DCLK1: variants seen among roughly 807,000 people sequenced by gnomAD.
DCLK1 encodes the protein doublecortin like kinase 1.
Under a neutral mutation model 86.2 loss-of-function variants are expected in DCLK1, and 16 were observed. The ratio of observed to expected loss-of-function variants is 0.19; its 90% CI spans 0.13 to 0.28. The LOEUF is 0.28. Among genes scored for constraint, DCLK1 ranks in the 10% least tolerant of loss-of-function variants. The pLI is 1.00. For missense variants in DCLK1, 590 were observed against 940.2 expected, an observed-to-expected ratio of 0.63 and a Z score of 4.87; for synonymous variants, 369 against 370.5, an observed-to-expected ratio of 1.00 and a Z score of 0.05.
chr13:35,921,156 T>G (rs1166491033), intron 4 of DCLK1, among the ~76,000 whole-genome samples: 1 of 152,186 alleles, frequency 6.6e-6, no homozygotes, highest in African/African-American at 2.4e-5. Flanking sequence ...GACCACATCC[T>G]ATTATTCCCA....
intron 3 of DCLK1, among the ~76,000 whole-genome samples, chr13:36,035,463 AAGT>A (rs1163857216): frequency 6.6e-5 from 10 of 152,162 alleles, no homozygotes; most frequent in Admixed American, 3.9e-4. Context: ...TATTGCTATT[AAGT>A]AGTATTGGGG....
At chr13:35,866,616 A>T (rs886280289) in intron 5 of DCLK1, among the ~76,000 whole-genome samples, 20 of 135,274 alleles carry the variant, frequency 1.5e-4, no homozygotes, top group Non-Finnish European at 2.2e-4. Flanking sequence ...TAATTTTTGT[A>T]TTTTTTTTTT....
intron 4 of DCLK1, among the ~76,000 whole-genome samples, chr13:35,873,317 T>G (rs1169511443): frequency 6.6e-6 from 1 of 152,104 alleles, no homozygotes; most frequent in African/African-American, 2.4e-5. Context: ...CAAAGTGGAT[T>G]TGGTGAGTTC....
chr13:35,835,963 A>T (rs1444939712), intron 8 of DCLK1, 70 bp downstream of exon 8: 3 of 1,131,200 alleles, frequency 2.7e-6, no homozygotes, highest in East Asian at 4.8e-5. Flanking sequence ...CTGGAAATAG[A>T]GACACAATCT....
chr13:35,792,945 T>C (rs2182486), intron 16 of DCLK1, among the ~76,000 whole-genome samples: 35,652 of 152,116 alleles, frequency 0.23, 5,640 homozygotes, highest in Non-Finnish European at 0.35. Flanking sequence ...AATTTAGGTC[T>C]AGTATCAAGA....
At chr13:35,907,952 A>G (rs1169133428) in intron 4 of DCLK1, among the ~76,000 whole-genome samples, 1 of 151,962 alleles carries the variant, frequency 6.6e-6, no homozygotes, top group Non-Finnish European at 1.5e-5. Flanking sequence ...TTAAGTTTAA[A>G]AATAACAGTT....
intron 6 of DCLK1, 47 bp from the exon 7 acceptor site, chr13:35,839,223 C>T (rs73510458): frequency 6.6e-7 from 1 of 1,518,094 alleles, no homozygotes; most frequent in East Asian, 2.4e-5. Flanking sequence ...GTCAGAATGC[C>T]TGAGTTTCCA....
chr13:36,096,582 G>A (rs745791096), intron 3 of DCLK1, among the ~76,000 whole-genome samples: 2 of 152,122 alleles, frequency 1.3e-5, no homozygotes, highest in Non-Finnish European at 2.9e-5. Context: ...AAGGACAAGT[G>A]GGAAACTCAC....
intron 4 of DCLK1, among the ~76,000 whole-genome samples, chr13:35,943,256 G>C (rs1459733858): frequency 6.6e-6 from 1 of 152,146 alleles, no homozygotes; most frequent in African/African-American, 2.4e-5. Flanking sequence ...AGGATTGCTG[G>C]CAGCCATCAG....
At chr13:35,888,938 G>A (rs531109145) in intron 4 of DCLK1, among the ~76,000 whole-genome samples, 1 of 152,256 alleles carries the variant, frequency 6.6e-6, no homozygotes, top group African/African-American at 2.4e-5. Context: ...CCAAAACAAA[G>A]AGTAAAGTGT....
At chr13:35,985,702 A>T (rs931803907) in intron 3 of DCLK1, among the ~76,000 whole-genome samples, 1 of 152,244 alleles carries the variant, frequency 6.6e-6, no homozygotes, top group Non-Finnish European at 1.5e-5. Context: ...CTACAGGCTC[A>T]GGAGAGACTG....
chr13:36,019,666 G>C (rs552851254), intron 3 of DCLK1, among the ~76,000 whole-genome samples: 2 of 152,112 alleles, frequency 1.3e-5, no homozygotes, highest in Admixed American at 6.6e-5. Context: ...GGTGTACTAT[G>C]CTAGAGATTT....
rs985096281 is a variant in DCLK1, at chr13:35,848,116, T to A, written c.1035+6383A>T. 3 of 985,222 alleles carry A rather than the reference T, an allele frequency of 3.0e-6. No homozygotes were observed. The East Asian group carries it at 3.4e-4, about 112-fold the overall frequency. The allele number at this position is 985,222 out of a possible 1,614,324, so 61.0% of individuals were successfully genotyped here. On this transcript the variant is annotated intron_variant, in intron 6 of 16. Transcript: ENST00000360631. ...TCGAACTTTGAACTACAGCACGATGTCTTCAGAGCGCATTTAAGGATTATC... is the reference window on the plus strand; with the variant it reads ...TCGAACTTTGAACTACAGCACGATGACTTCAGAGCGCATTTAAGGATTATC...
intron 16 of DCLK1, chr13:35,787,862 C>A: frequency 9.0e-6 from 3 of 334,448 alleles, no homozygotes; most frequent in South Asian, 7.9e-5. Context: ...TGCTATTGTT[C>A]TTCCATTTGT....
intron 4 of DCLK1, among the ~76,000 whole-genome samples, chr13:35,882,728 TTCTGTTC>T (rs1566584409): frequency 7.4e-4 from 112 of 152,312 alleles, no homozygotes; most frequent in African/African-American, 2.3e-3. Context: ...CTGGTTAACG[TTCTGTTC>T]ATACCTCCAC....
chr13:35,862,806 C>T (rs1025389772), intron 5 of DCLK1, among the ~76,000 whole-genome samples: 1 of 152,152 alleles, frequency 6.6e-6, no homozygotes, highest in Non-Finnish European at 1.5e-5. Context: ...ATTTATAAAT[C>T]CTTTTCTCTT....
intron 3 of DCLK1, among the ~76,000 whole-genome samples, chr13:36,085,536 G>C (rs1884561151): frequency 6.6e-6 from 1 of 152,138 alleles, no homozygotes; most frequent in African/African-American, 2.4e-5. Context: ...TCAATAACTA[G>C]CTTTAAAGCT....
At chr13:35,913,622 T>A (rs372681377) in intron 4 of DCLK1, among the ~76,000 whole-genome samples, 1 of 152,308 alleles carries the variant, frequency 6.6e-6, no homozygotes, top group East Asian at 1.9e-4. Context: ...TAAATTACAT[T>A]TTTTTTCTTA....
At chr13:35,777,906 G>A (rs1566526307) in intron 16 of DCLK1, among the ~76,000 whole-genome samples, 1 of 152,078 alleles carries the variant, frequency 6.6e-6, no homozygotes, top group African/African-American at 2.4e-5. Flanking sequence ...TACCATTATC[G>A]TTGTTCATCC....
Sources: gnomAD v4.1 joint callset for allele counts (sites outside exome capture counted in the v4.1 genomes callset) on GRCh38, gnomAD v4.1.1 for gene constraint, MANE v1.5 for transcripts, NCBI Gene and HGNC (gene_info 2026-07-23, HGNC 2026-07-21) for gene names.